Variants in FAM107B observed in about 807,000 individuals in gnomAD.
FAM107B encodes the protein family with sequence similarity 107 member B.
FAM107B carries 21 observed loss-of-function variants against 31.5 expected under a neutral mutation model. The observed-to-expected ratio is 0.67, with a 90% CI of 0.47 to 0.96. The LOEUF is 0.96. Among genes scored for constraint, FAM107B ranks in the 40% least tolerant of loss-of-function variants. The probability of loss-of-function intolerance (pLI) is 0.00; values close to 1 mark genes in which losing one functional copy is unlikely to be tolerated. For synonymous variants in FAM107B, 157 were observed against 141.5 expected, an observed-to-expected ratio of 1.11 and a Z score of -0.78; for missense variants, 452 against 377.1, an observed-to-expected ratio of 1.20 and a Z score of -1.64.
chr10:14,544,365 C>A (rs1848512489), intron 2 of FAM107B, among the ~76,000 whole-genome samples: 1 of 152,200 alleles, frequency 6.6e-6, no homozygotes, highest in African/African-American at 2.4e-5. Flanking sequence ...CAGAAACTCT[C>A]CTGAAATCAA....
chr10:14,523,959 T>C (rs1005124435), intron 3 of FAM107B, among the ~76,000 whole-genome samples: 4 of 150,494 alleles, frequency 2.7e-5, no homozygotes, highest in Non-Finnish European at 5.9e-5. Flanking sequence ...CTCTGCCTCC[T>C]GGGCCCCAGC....
intron 2 of FAM107B, among the ~76,000 whole-genome samples, chr10:14,637,618 C>T (rs575353563): frequency 5.3e-5 from 8 of 152,166 alleles, no homozygotes; most frequent in East Asian, 1.9e-4. Context: ...CACCCTAGCC[C>T]GGGCAACAGC....
At chr10:14,767,020 G>GTGTGTATA (rs1354065285) in intron 1 of FAM107B, among the ~76,000 whole-genome samples, 1 of 30,412 alleles carries the variant, frequency 3.3e-5, no homozygotes, top group African/African-American at 8.5e-5. Flanking sequence ...TCCCTGATGT[G>GTGTGTATA]TATGTATATA....
intron 2 of FAM107B, among the ~76,000 whole-genome samples, chr10:14,647,267 G>A (rs1853780031): frequency 6.6e-6 from 1 of 152,214 alleles, no homozygotes; most frequent in Non-Finnish European, 1.5e-5. Flanking sequence ...TCCGGGAGCT[G>A]TGAGGCTCAA....
At chr10:14,672,141 A>G (rs1470667366) in intron 1 of FAM107B, among the ~76,000 whole-genome samples, 1 of 149,760 alleles carries the variant, frequency 6.7e-6, no homozygotes, top group East Asian at 1.9e-4. Flanking sequence ...TCTGTTGCCC[A>G]GCAGTGGCGT....
At chr10:14,586,631 C>A (rs1248201632) in intron 2 of FAM107B, among the ~76,000 whole-genome samples, 2 of 152,172 alleles carry the variant, frequency 1.3e-5, no homozygotes, top group Non-Finnish European at 2.9e-5. Context: ...ACGAAGGGAG[C>A]CCTCACCAGA....
At chr10:14,761,806 C>T (rs533108588) in intron 1 of FAM107B, among the ~76,000 whole-genome samples, 1 of 152,096 alleles carries the variant, frequency 6.6e-6, no homozygotes, top group East Asian at 1.9e-4. Context: ...ACCATGTTGG[C>T]CAGGCTGGTC....
chr10:14,548,218 T>C (rs1848892934), intron 2 of FAM107B, among the ~76,000 whole-genome samples: 1 of 152,076 alleles, frequency 6.6e-6, no homozygotes, highest in Non-Finnish European at 1.5e-5. Context: ...GAGCAAGACG[T>C]GGTCCAGGAG....
At chr10:14,542,817 T>A (rs1458695729) in intron 2 of FAM107B, 1 of 152,250 alleles carries the variant, frequency 6.6e-6, no homozygotes, top group Non-Finnish European at 1.5e-5. Context: ...TAACATTAAT[T>A]GCTGTGTATC....
chr10:14,525,036 A>G (rs746327916), intron 3 of FAM107B, among the ~76,000 whole-genome samples: 8 of 152,262 alleles, frequency 5.3e-5, no homozygotes, highest in Non-Finnish European at 1.2e-4. Context: ...TACAGCAGTC[A>G]AGAAGTCATA....
At chr10:14,702,536 G>A (rs1855425409) in intron 1 of FAM107B, among the ~76,000 whole-genome samples, 1 of 152,058 alleles carries the variant, frequency 6.6e-6, no homozygotes, top group Non-Finnish European at 1.5e-5. Flanking sequence ...TTTTAGTAGA[G>A]ATGGGGTTTC....
chr10:14,657,907 C>A (rs556773092), intron 2 of FAM107B, among the ~76,000 whole-genome samples: 6 of 152,044 alleles, frequency 3.9e-5, no homozygotes, highest in African/African-American at 7.2e-5. Context: ...GCAGCCCAGA[C>A]TCAAGAGATC....
chr10:14,611,228 T>G (rs1239802735), intron 2 of FAM107B, among the ~76,000 whole-genome samples: 4 of 152,050 alleles, frequency 2.6e-5, no homozygotes, highest in Non-Finnish European at 4.4e-5. Context: ...TCAAAAATAT[T>G]AAGGTAACTT....
At chr10:14,635,515 G>C (rs1853475022) in intron 2 of FAM107B, among the ~76,000 whole-genome samples, 2 of 152,218 alleles carry the variant, frequency 1.3e-5, no homozygotes, top group African/African-American at 2.4e-5. Context: ...CACTGTAAGA[G>C]ACAGCCCCAT....
At chr10:14,611,190 G>A (rs1479121096) in intron 2 of FAM107B, among the ~76,000 whole-genome samples, 1 of 152,074 alleles carries the variant, frequency 6.6e-6, no homozygotes, top group Non-Finnish European at 1.5e-5. Context: ...CAAAGAGAGG[G>A]GAACAAAATC....
chr10:14,640,995 TG>T (rs373320570), intron 2 of FAM107B, among the ~76,000 whole-genome samples: 125 of 152,340 alleles, frequency 8.2e-4, no homozygotes, highest in African/African-American at 2.8e-3. Context: ...CAAATTGGCT[TG>T]GACTCAAAGG....
chr10:14,758,464 G>A (rs973281925), intron 1 of FAM107B, among the ~76,000 whole-genome samples: 4 of 152,034 alleles, frequency 2.6e-5, no homozygotes, highest in Non-Finnish European at 4.4e-5. Flanking sequence ...TTAAAAATAC[G>A]GGTGCCATAG....
At chr10:14,578,746 G>A (rs1266352424) in intron 2 of FAM107B, among the ~76,000 whole-genome samples, 1 of 152,204 alleles carries the variant, frequency 6.6e-6, no homozygotes. Flanking sequence ...TATTTAAGAA[G>A]AGATTAGAAC....
At chr10:14,723,643 G>A (rs1671928785) in intron 1 of FAM107B, 1 of 727,500 alleles carries the variant, frequency 1.4e-6, no homozygotes. Flanking sequence ...GTTAACATAG[G>A]ATTACTCTGC....
Sources: gnomAD v4.1 joint callset for allele counts (sites outside exome capture counted in the v4.1 genomes callset) on GRCh38, gnomAD v4.1.1 for gene constraint, MANE v1.5 for transcripts, NCBI Gene and HGNC (gene_info 2026-07-23, HGNC 2026-07-21) for gene names.